Variants in SPHKAP observed in about 807,000 individuals in gnomAD.
The protein encoded by SPHKAP is A-kinase anchor protein SPHKAP.
SPHKAP carries 67 observed loss-of-function variants against 137.5 expected under a neutral mutation model. That is an observed-to-expected ratio of 0.49 (90% CI 0.40 to 0.60). The LOEUF is 0.60. Ranked by LOEUF, SPHKAP falls within the 20% of genes least tolerant of loss-of-function variation. The probability of loss-of-function intolerance (pLI) is 0.00; values close to 1 mark genes in which losing one functional copy is unlikely to be tolerated. For synonymous variants in SPHKAP, 813 were observed against 785.3 expected (o/e 1.04, Z -0.59); for missense variants, 2,097 against 2,069.3 (o/e 1.01, Z -0.26).
intron 3 of SPHKAP, among the ~76,000 whole-genome samples, chr2:228,055,656 G>C (rs531988578): frequency 6.6e-6 from 1 of 152,174 alleles, no homozygotes; most frequent in African/African-American, 2.4e-5. Context: ...GGGAGCTGGC[G>C]ACCCCTTTCT....
intron 7 of SPHKAP, among the ~76,000 whole-genome samples, chr2:228,006,000 AT>A (rs1559342416): frequency 6.6e-6 from 1 of 152,116 alleles, no homozygotes; most frequent in Non-Finnish European, 1.5e-5. Flanking sequence ...TCTTTGATGA[AT>A]GTGACAATTA....
chr2:228,009,981 C>G (rs1694304620), intron 7 of SPHKAP, among the ~76,000 whole-genome samples: 1 of 152,156 alleles, frequency 6.6e-6, no homozygotes, highest in African/African-American at 2.4e-5. Context: ...TGTCCAGCAA[C>G]AGGTCAAGAG....
Position 228,018,671 on chromosome 2 carries a change from A to G in SPHKAP, c.2183T>C (p.Val728Ala). The change falls in exon 7 of 12, where the codon GTA becomes GCA. Residue 728 changes from valine to alanine, a missense_variant. Transcript: ENST00000392056. ...GACAGCAGGACATTCACCAAGCCGT[A>G]CAATATGACTCATCTTCTTGAACGT... ...CFTFKKMSHI[V>A]RLGECPAVLS... 1 of 1,614,214 alleles carries G rather than the reference A, an allele frequency of 6.2e-7. No homozygotes were observed. The highest frequency in any genetic ancestry group is 1.1e-5 in the South Asian group (1 of 91,088).
In SPHKAP at chr2:227,980,600, T is replaced by G. The variant is rs3180109; in HGVS notation, c.*1117A>C. On this transcript the variant is annotated 3_prime_UTR_variant, in exon 12 of 12. Coordinates refer to ENST00000392056, the MANE Select transcript of SPHKAP (RefSeq NM_001142644.2). The stretch of plus-strand genomic sequence containing the variant: ...AAAATAACTAAAATGTGTCAAAGTC[T>G]TCTTTTCCCCCAATTCAAGGCTAAT... 1.3e-5 allele frequency: 2 copies of G among 152,232 alleles called. No homozygotes were observed. Among genetic ancestry groups the G allele is most frequent in the Non-Finnish European group, 2.9e-5 (2 of 68,038 alleles). 9.4% of individuals were successfully genotyped at this position (152,232 alleles called of 1,614,324 possible).
At chr2:228,072,396 C>T (rs1697032015) in intron 3 of SPHKAP, among the ~76,000 whole-genome samples, 1 of 151,884 alleles carries the variant, frequency 6.6e-6, no homozygotes, top group Non-Finnish European at 1.5e-5. Context: ...AGGTGGGAAC[C>T]CGAGAAGATG....
At chr2:228,128,998 C>T (rs914760222) in intron 2 of SPHKAP, among the ~76,000 whole-genome samples, 1 of 152,142 alleles carries the variant, frequency 6.6e-6, no homozygotes, top group Admixed American at 6.5e-5. Flanking sequence ...TGAGCATTGG[C>T]CGTCACTTAA....
At chr2:228,067,545 A>G (rs1469285834) in intron 3 of SPHKAP, among the ~76,000 whole-genome samples, 1 of 152,190 alleles carries the variant, frequency 6.6e-6, no homozygotes, top group Admixed American at 6.5e-5. Context: ...GACATCTGTC[A>G]TATAACTAGG....
At chr2:228,061,295 T>C (rs192982633) in intron 3 of SPHKAP, among the ~76,000 whole-genome samples, 11 of 152,258 alleles carry the variant, frequency 7.2e-5, no homozygotes, top group East Asian at 3.9e-4. Flanking sequence ...GGAGTCTTGC[T>C]CTGTCACCCA....
chr2:227,983,901 G>T (rs1329601023), intron 11 of SPHKAP, among the ~76,000 whole-genome samples: 1 of 152,096 alleles, frequency 6.6e-6, no homozygotes, highest in African/African-American at 2.4e-5. Context: ...ATCACGTGGT[G>T]ACTGAGTGGG....
chr2:228,033,356 C>G (rs984925821), intron 3 of SPHKAP, among the ~76,000 whole-genome samples: 1 of 152,208 alleles, frequency 6.6e-6, no homozygotes, highest in Non-Finnish European at 1.5e-5. Context: ...GCACCCAATA[C>G]AGGAGCACCA....
intron 3 of SPHKAP, among the ~76,000 whole-genome samples, chr2:228,058,636 T>C (rs1696531407): frequency 6.6e-6 from 1 of 152,236 alleles, no homozygotes; most frequent in Non-Finnish European, 1.5e-5. Context: ...TGCTAACTTC[T>C]TTACTACCTA....
intron 1 of SPHKAP, among the ~76,000 whole-genome samples, chr2:228,153,852 C>T (rs1202427341): frequency 2.0e-5 from 3 of 152,108 alleles, no homozygotes; most frequent in Non-Finnish European, 4.4e-5. Context: ...CAGAGAAGGA[C>T]AGCGCCAGCG....
At chr2:228,178,815 G>A (rs181827343) in intron 1 of SPHKAP, among the ~76,000 whole-genome samples, 4 of 151,752 alleles carry the variant, frequency 2.6e-5, no homozygotes, top group East Asian at 1.9e-4. Flanking sequence ...AATCTGTGAC[G>A]CAATCCACAT....
At chr2:228,041,646 C>CAAAAAA (rs58570907) in intron 3 of SPHKAP, among the ~76,000 whole-genome samples, 26 of 95,872 alleles carry the variant, frequency 2.7e-4, no homozygotes, top group African/African-American at 3.6e-4. Context: ...GACTCTGTCT[C>CAAAAAA]AAAAAAAAAA....
intron 2 of SPHKAP, among the ~76,000 whole-genome samples, chr2:228,111,271 A>C (rs1292690364): frequency 6.6e-6 from 1 of 152,174 alleles, no homozygotes; most frequent in Non-Finnish European, 1.5e-5. Context: ...GACCTCAAAC[A>C]GATGACTTAA....
intron 3 of SPHKAP, among the ~76,000 whole-genome samples, chr2:228,104,231 T>A (rs1194549800): frequency 1.9e-5 from 2 of 104,226 alleles, no homozygotes; most frequent in Non-Finnish European, 4.2e-5. Context: ...ATATTATATG[T>A]TATATCATTA....
intron 11 of SPHKAP, among the ~76,000 whole-genome samples, chr2:227,983,105 T>G (rs530428287): frequency 6.6e-6 from 1 of 152,200 alleles, no homozygotes; most frequent in Non-Finnish European, 1.5e-5. Flanking sequence ...TAGGATTTTT[T>G]AAAATTAATT....
intron 2 of SPHKAP, among the ~76,000 whole-genome samples, chr2:228,130,601 T>A (rs986467374): frequency 6.6e-6 from 1 of 152,208 alleles, no homozygotes; most frequent in Non-Finnish European, 1.5e-5. Context: ...AACATATATG[T>A]ATTTTAAAAA....
chr2:228,164,360 G>A (rs1010683406), intron 1 of SPHKAP, among the ~76,000 whole-genome samples: 2 of 152,090 alleles, frequency 1.3e-5, no homozygotes, highest in African/African-American at 4.8e-5. Context: ...GTGGGCCTTT[G>A]CCTTGTGATC....
Sources: gnomAD v4.1 joint callset for allele counts (sites outside exome capture counted in the v4.1 genomes callset) on GRCh38, gnomAD v4.1.1 for gene constraint, MANE v1.5 for transcripts, NCBI Gene and HGNC (gene_info 2026-07-23, HGNC 2026-07-21) for gene names.